The following SGF29 variants were observed in gnomAD, a reference collection of about 807,000 sequenced individuals.
SGF29 encodes SAGA complex associated factor 29.
In SGF29, 15 loss-of-function variants were observed where a neutral mutation model predicts 38.1. The ratio of observed to expected loss-of-function variants is 0.39; its 90% CI spans 0.26 to 0.61. SGF29 has a LOEUF of 0.61. Ranked by LOEUF, SGF29 falls within the 20% of genes least tolerant of loss-of-function variation. The probability of loss-of-function intolerance (pLI) is 0.49; values close to 1 mark genes in which losing one functional copy is unlikely to be tolerated. For missense variants in SGF29, 184 were observed against 394.6 expected, an observed-to-expected ratio of 0.47 and a Z score of 4.52; for synonymous variants, 151 against 160.8, an observed-to-expected ratio of 0.94 and a Z score of 0.46.
At chr16:28,587,594 G>A (rs2046962367) in intron 4 of SGF29, among the ~76,000 whole-genome samples, 1 of 152,228 alleles carries the variant, frequency 6.6e-6, no homozygotes, top group Non-Finnish European at 1.5e-5. Context: ...TGAGGTCCAT[G>A]AGTCACATGC....
Position 28,591,499 on chromosome 16 carries a change from C to T in SGF29, c.766-91C>T, listed in dbSNP as rs1487262405. 15 of 891,796 alleles carry T rather than the reference C, an allele frequency of 1.7e-5. No individual in the cohort carries two copies. In the East Asian group the frequency reaches 3.6e-4, roughly 21 times the overall value. 55.2% of individuals were successfully genotyped at this position (891,796 alleles called of 1,614,324 possible). A position where few individuals can be genotyped will look rare whatever the true frequency, so the allele number is the denominator to read the frequency against. On this transcript the variant is annotated intron_variant, in intron 9 of 9. Transcript: ENST00000317058. Reference sequence around the variant, plus strand: ...TAGGAGTGGCTGAGAGTCCACGGCCCAGAGCCTCCTGTGGTCTAGGCTGGG... The same window carrying T: ...TAGGAGTGGCTGAGAGTCCACGGCCTAGAGCCTCCTGTGGTCTAGGCTGGG...
At chr16:28,565,874 T>G (rs1567286548) in intron 1 of SGF29, among the ~76,000 whole-genome samples, 1 of 152,084 alleles carries the variant, frequency 6.6e-6, no homozygotes, top group African/African-American at 2.4e-5. Flanking sequence ...CTGCTAGGTA[T>G]GGAGAGTAAA....
At chr16:28,589,038 G>A (rs2046971310) in intron 4 of SGF29, 62 bp from the exon 5 acceptor site, 1 of 1,581,574 alleles carries the variant, frequency 6.3e-7, no homozygotes, top group Admixed American at 1.7e-5. Flanking sequence ...AGAAAAAATG[G>A]AAGAGAAGTC....
chr16:28,566,716 C>A (rs1481367428), intron 1 of SGF29, among the ~76,000 whole-genome samples: 3 of 151,770 alleles, frequency 2.0e-5, no homozygotes, highest in Non-Finnish European at 4.4e-5. Context: ...GCCTGGGAAG[C>A]AGAGGTTGCA....
intron 1 of SGF29, among the ~76,000 whole-genome samples, chr16:28,576,308 A>C (rs908932950): frequency 6.6e-6 from 1 of 152,112 alleles, no homozygotes; most frequent in Non-Finnish European, 1.5e-5. Context: ...ACTGGGCATA[A>C]TACCTGGGTG....
At chr16:28,582,285 G>A (rs1374696910) in intron 2 of SGF29, among the ~76,000 whole-genome samples, 1 of 152,196 alleles carries the variant, frequency 6.6e-6, no homozygotes, top group African/African-American at 2.4e-5. Flanking sequence ...AGGATGAGCG[G>A]TAGCCAGGGC....
chr16:28,564,717 G>GTATATATATGTA (rs2046822008), intron 1 of SGF29, among the ~76,000 whole-genome samples: 7 of 61,664 alleles, frequency 1.1e-4, no homozygotes, highest in Non-Finnish European at 1.9e-4. Context: ...ACATATATAT[G>GTATATATATGTA]TATATATATA....
intron 1 of SGF29, among the ~76,000 whole-genome samples, chr16:28,577,038 G>C (rs940647189): frequency 5.3e-5 from 8 of 152,118 alleles, no homozygotes; most frequent in Non-Finnish European, 1.0e-4. Flanking sequence ...GCCGGGCGTG[G>C]TGGTGGGCGC....
intron 4 of SGF29, chr16:28,588,460 C>T (rs2046967701): frequency 1.2e-5 from 4 of 320,736 alleles, no homozygotes; most frequent in Non-Finnish European, 2.4e-5. Flanking sequence ...TGCCTGTGTC[C>T]TTTCCTCTCT....
chr16:28,588,382 C>A (rs867563175), intron 4 of SGF29, among the ~76,000 whole-genome samples: 4 of 152,168 alleles, frequency 2.6e-5, no homozygotes, highest in Admixed American at 6.5e-5. Context: ...CTCGGGCAGA[C>A]CTGAGGCCCC....
At chr16:28,557,398 G>A (rs1244898215) in intron 1 of SGF29, among the ~76,000 whole-genome samples, 1 of 152,222 alleles carries the variant, frequency 6.6e-6, no homozygotes. Context: ...CCCAGGGTGG[G>A]TATGGAAGCT....
At chr16:28,579,068 T>A (rs2046910900) in intron 1 of SGF29, among the ~76,000 whole-genome samples, 1 of 152,040 alleles carries the variant, frequency 6.6e-6, no homozygotes. Context: ...ATTACAGGTG[T>A]TAGTCACTGC....
intron 2 of SGF29, among the ~76,000 whole-genome samples, chr16:28,584,235 C>T (rs1343131910): frequency 1.3e-5 from 2 of 151,790 alleles, no homozygotes; most frequent in African/African-American, 4.8e-5. Context: ...AAGTGATCTG[C>T]CCACTTTGGC....
Position 28,582,914 on chromosome 16 carries a change from G to A in SGF29, c.75+1770G>A, listed in dbSNP as rs191395238. 4.9e-3 allele frequency among the ~76,000 whole-genome samples: 740 copies of A among 152,134 alleles called. 2 individuals are homozygous for A. The highest frequency in any genetic ancestry group is 0.01 in the Middle Eastern group (3 of 294). ...CGCACCACTGCACTCCAGCCTGGGCGACAAGAGCGAAACTCCGTCTCAAAA... is the reference window on the plus strand; with the variant it reads ...CGCACCACTGCACTCCAGCCTGGGCAACAAGAGCGAAACTCCGTCTCAAAA... On this transcript the variant is annotated intron_variant, in intron 2 of 9. Coordinates refer to ENST00000317058, the MANE Select transcript of SGF29 (RefSeq NM_138414.3).
intron 2 of SGF29, among the ~76,000 whole-genome samples, chr16:28,582,259 A>G (rs1416622991): frequency 6.6e-6 from 1 of 152,236 alleles, no homozygotes; most frequent in Non-Finnish European, 1.5e-5. Flanking sequence ...AACGAAAAGC[A>G]AAACTAGAGA....
intron 1 of SGF29, among the ~76,000 whole-genome samples, chr16:28,558,791 C>G (rs1169426807): frequency 1.3e-5 from 2 of 152,040 alleles, no homozygotes; most frequent in Non-Finnish European, 2.9e-5. Flanking sequence ...GTGAAAGAAG[C>G]AAGTCACATA....
chr16:28,584,446 A>T (rs1161364951), intron 2 of SGF29, among the ~76,000 whole-genome samples: 2 of 151,172 alleles, frequency 1.3e-5, no homozygotes, highest in Admixed American at 6.6e-5. Context: ...CGAGGTCAGG[A>T]GTTCAAGACC....
chr16:28,581,622 G>A (rs556908196), intron 2 of SGF29, among the ~76,000 whole-genome samples: 5 of 151,606 alleles, frequency 3.3e-5, no homozygotes, highest in Admixed American at 2.6e-4. Context: ...TGCAACCTCT[G>A]CCTCCTGGGT....
chr16:28,564,553 A>ATG (rs2046812123), intron 1 of SGF29, among the ~76,000 whole-genome samples: 4 of 108,732 alleles, frequency 3.7e-5, no homozygotes, highest in South Asian at 5.0e-4. Context: ...ATATATACGT[A>ATG]TATATATATA....
Sources: allele counts gnomAD v4.1 joint callset (sites outside exome capture counted in the v4.1 genomes callset), GRCh38; gene constraint gnomAD v4.1.1; transcripts MANE v1.5; gene names NCBI Gene and HGNC (gene_info 2026-07-23, HGNC 2026-07-21).